The following NKAIN2 variants were observed in gnomAD, a reference collection of about 807,000 sequenced individuals.
NKAIN2 encodes the protein sodium/potassium-transporting ATPase subunit beta-1-interacting protein 2.
A neutral mutation model predicts 32.6 loss-of-function variants in NKAIN2; 14 were observed. The observed-to-expected ratio is 0.43, with a 90% CI of 0.28 to 0.67. The LOEUF is 0.67. Among genes scored for constraint, NKAIN2 ranks in the 30% least tolerant of loss-of-function variants. The probability of loss-of-function intolerance (pLI) is 0.17; values close to 1 mark genes in which losing one functional copy is unlikely to be tolerated. For missense variants in NKAIN2, 198 were observed against 258.3 expected (o/e 0.77, Z 1.60); for synonymous variants, 80 against 87.2 (o/e 0.92, Z 0.46).
At chr6:124,674,299 G>T (rs938433241) in intron 4 of NKAIN2, among the ~76,000 whole-genome samples, 3 of 151,866 alleles carry the variant, frequency 2.0e-5, no homozygotes, top group Non-Finnish European at 2.9e-5. Context: ...GACGTGTGAG[G>T]CTTCTGCTTT....
intron 1 of NKAIN2, among the ~76,000 whole-genome samples, chr6:124,095,331 A>T (rs1048577148): frequency 5.3e-5 from 8 of 152,186 alleles, no homozygotes; most frequent in Admixed American, 3.9e-4. Flanking sequence ...AGACCTACAC[A>T]GGTTACAGTT....
chr6:124,304,462 A>T (rs989189132), intron 2 of NKAIN2, among the ~76,000 whole-genome samples: 1 of 152,218 alleles, frequency 6.6e-6, no homozygotes, highest in Non-Finnish European at 1.5e-5. Context: ...ATATAAAATG[A>T]GTGCAGAAAA....
intron 3 of NKAIN2, among the ~76,000 whole-genome samples, chr6:124,416,220 G>C (rs528266553): frequency 6.6e-6 from 1 of 152,094 alleles, no homozygotes; most frequent in Non-Finnish European, 1.5e-5. Flanking sequence ...GATTTTCTTT[G>C]TACTTCAAAT....
At chr6:124,249,389 T>A (rs1793579955) in intron 1 of NKAIN2, among the ~76,000 whole-genome samples, 1 of 152,064 alleles carries the variant, frequency 6.6e-6, no homozygotes, top group Non-Finnish European at 1.5e-5. Context: ...AAGACTGTTT[T>A]TAGGGAGAGC....
intron 3 of NKAIN2, among the ~76,000 whole-genome samples, chr6:124,530,225 A>C (rs1432018219): frequency 2.0e-5 from 3 of 152,236 alleles, no homozygotes; most frequent in Admixed American, 1.3e-4. Context: ...ACAGTCAGTT[A>C]ATGCATATTT....
At chr6:124,586,620 A>C (rs1212304155) in intron 3 of NKAIN2, among the ~76,000 whole-genome samples, 2 of 151,922 alleles carry the variant, frequency 1.3e-5, no homozygotes, top group African/African-American at 4.8e-5. Context: ...AAAAAAAAAA[A>C]CAGTTTGAGA....
intron 3 of NKAIN2, among the ~76,000 whole-genome samples, chr6:124,611,892 T>G (rs952608471): frequency 3.9e-5 from 6 of 152,174 alleles, no homozygotes; most frequent in African/African-American, 1.4e-4. Flanking sequence ...TTTGAGCACT[T>G]TGTTGTCAGC....
At chr6:123,830,164 TAGTGAC>T (rs931854385) in intron 1 of NKAIN2, among the ~76,000 whole-genome samples, 3 of 152,152 alleles carry the variant, frequency 2.0e-5, no homozygotes, top group African/African-American at 7.2e-5. Context: ...CATCTCTTCT[TAGTGAC>T]AGTAACACTG....
At position 124,788,686 on chromosome 6, in the gene NKAIN2, G is replaced by A. The variant is rs893469550; in HGVS notation, c.475-2653G>A. The stretch of plus-strand genomic sequence containing the variant: ...ATGAAGGTAACTGCTCCCATGATTC[G>A]ATTACCTCCCACCGGGTCCCTCCCA... On this transcript the variant is annotated intron_variant, in intron 4 of 6. Transcript: ENST00000368417. Among the ~76,000 whole-genome samples, 6 of 151,922 alleles carry A rather than the reference G, an allele frequency of 3.9e-5. No homozygotes were observed. In the South Asian group the frequency reaches 1.2e-3, roughly 31 times the overall value.
intron 1 of NKAIN2, among the ~76,000 whole-genome samples, chr6:124,235,028 T>G: frequency 6.6e-6 from 1 of 152,234 alleles, no homozygotes; most frequent in African/African-American, 2.4e-5. Context: ...CACAATGGAA[T>G]TTTCCATCTG....
chr6:124,170,390 T>C (rs1053994497), intron 1 of NKAIN2, among the ~76,000 whole-genome samples: 3 of 152,180 alleles, frequency 2.0e-5, no homozygotes, highest in African/African-American at 4.8e-5. Context: ...GCCATTTCCA[T>C]AGATATTTTT....
intron 1 of NKAIN2, among the ~76,000 whole-genome samples, chr6:123,963,822 T>C (rs1777958531): frequency 6.6e-6 from 1 of 152,220 alleles, no homozygotes; most frequent in African/African-American, 2.4e-5. Flanking sequence ...GCTAGCATGT[T>C]CATTTTTAGA....
At position 124,760,869 on chromosome 6, in the gene NKAIN2, A is replaced by C. The variant is rs975427883; in HGVS notation, c.475-30470A>C. On this transcript the variant is annotated intron_variant, in intron 4 of 6. Coordinates refer to ENST00000368417, the MANE Select transcript of NKAIN2 (RefSeq NM_001040214.3). ...GTGTCCAATCCAATGAAGAGTATCA[A>C]CGTACCTTGAGAATGAGCCACGGAT... Among the ~76,000 whole-genome samples, 22 of 152,180 alleles carry C rather than the reference A, an allele frequency of 1.4e-4. 1 individual carries two copies. Among genetic ancestry groups the C allele is most frequent in the Admixed American group, 1.3e-3 (20 of 15,266 alleles).
intron 3 of NKAIN2, among the ~76,000 whole-genome samples, chr6:124,585,405 A>G (rs1781678472): frequency 6.6e-6 from 1 of 152,238 alleles, no homozygotes; most frequent in Non-Finnish European, 1.5e-5. Flanking sequence ...TGACAGCACA[A>G]CAGGTTACTA....
At position 123,873,003 on chromosome 6, in the gene NKAIN2, A is replaced by G. The variant is rs536000648; in HGVS notation, c.54+68749A>G. On this transcript the variant is annotated intron_variant, in intron 1 of 6. Coordinates refer to ENST00000368417, the MANE Select transcript of NKAIN2 (RefSeq NM_001040214.3). ...TGAGGACTTACTTGTGCTAGGCACT[A>G]TTTTTGTTGTTGGAGTTAAAACTTT... Among the ~76,000 whole-genome samples the G allele has an allele frequency of 5.3e-5, 8 of 152,298 alleles. No homozygotes were observed. In the East Asian group the frequency reaches 1.3e-3, roughly 26 times the overall value.
At chr6:124,786,665 T>C (rs971255589) in intron 4 of NKAIN2, among the ~76,000 whole-genome samples, 1 of 152,002 alleles carries the variant, frequency 6.6e-6, no homozygotes, top group African/African-American at 2.4e-5. Context: ...TCACATTAGA[T>C]ACATGAAGGT....
At chr6:124,198,479 T>G (rs1790431143) in intron 1 of NKAIN2, among the ~76,000 whole-genome samples, 1 of 151,664 alleles carries the variant, frequency 6.6e-6, no homozygotes, top group Non-Finnish European at 1.5e-5. Flanking sequence ...ATCTTGACCT[T>G]GAGTGAGAGT....
At chr6:123,987,325 A>G (rs967642101) in intron 1 of NKAIN2, among the ~76,000 whole-genome samples, 9 of 152,214 alleles carry the variant, frequency 5.9e-5, no homozygotes, top group African/African-American at 2.2e-4. Flanking sequence ...TTGTCTTGAA[A>G]AGGTGAACAG....
intron 3 of NKAIN2, among the ~76,000 whole-genome samples, chr6:124,428,193 C>T (rs1049934256): frequency 6.6e-6 from 1 of 152,120 alleles, no homozygotes; most frequent in African/African-American, 2.4e-5. Context: ...TCTGGAATTC[C>T]TTTCACTCCT....
Sources: gnomAD v4.1 joint callset for allele counts (sites outside exome capture counted in the v4.1 genomes callset) on GRCh38, gnomAD v4.1.1 for gene constraint, MANE v1.5 for transcripts, NCBI Gene and HGNC (gene_info 2026-07-23, HGNC 2026-07-21) for gene names.